The following FASN variants were observed in gnomAD, a reference collection of about 807,000 sequenced individuals.
FASN encodes the protein 3-hydroxyacyl-[acyl-carrier-protein] dehydratase.
Under a neutral mutation model 250.0 loss-of-function variants are expected in FASN, and 50 were observed. The ratio of observed to expected loss-of-function variants is 0.20; its 90% confidence interval spans 0.16 to 0.25. The LOEUF (loss-of-function observed/expected upper bound fraction) is 0.25. Among genes scored for constraint, FASN ranks in the 10% least tolerant of loss-of-function variants. The probability of loss-of-function intolerance (pLI) is 1.00; values close to 1 mark genes in which losing one functional copy is unlikely to be tolerated. For missense variants in FASN, 3,031 were observed against 3,498.5 expected (o/e 0.87, Z 3.37); for synonymous variants, 1,909 against 1,584.0 (o/e 1.21, Z -4.87).
Position 82,089,177 on chromosome 17 carries a change from A to G in FASN, c.2101-5T>C, listed in dbSNP as rs2034158614. ...TGGCTTCGGCTCCCGGATCACCTGCATGAGGGGCCAGGTCAGTGCTGGGTT... is the reference window on the plus strand; with the variant it reads ...TGGCTTCGGCTCCCGGATCACCTGCGTGAGGGGCCAGGTCAGTGCTGGGTT... On this transcript the variant is annotated splice_region_variant and splice_polypyrimidine_tract_variant and intron_variant, in intron 13 of 42. Coordinates refer to ENST00000306749, the MANE Select transcript of FASN (RefSeq NM_004104.5). 1 of 1,587,156 alleles carries G rather than the reference A, an allele frequency of 6.3e-7. No individual in the cohort carries two copies. Among genetic ancestry groups the G allele is most frequent in the Non-Finnish European group, 8.6e-7 (1 of 1,167,162 alleles).
At position 82,092,468 on chromosome 17, in the gene FASN, G is replaced by A; in HGVS notation, c.1016C>T (p.Ala339Val). ...MGHPEPASGL[A>V]ALAKVLLSLE... The stretch of plus-strand genomic sequence containing the variant: ...AGCCCCACCTACCTTGGCCAGGGCT[G>A]CCAGCCCCGAGGCTGGCTCCGGGTG... Residue 339 changes from alanine (A) to valine (V), a missense_variant, in exon 8 of 43, where the codon GCA (alanine) becomes GTA (valine). Transcript: ENST00000306749. The A allele has an allele frequency of 1.3e-6, 2 of 1,577,696 alleles. No homozygotes were observed. Among genetic ancestry groups the A allele is most frequent in the South Asian group, 1.1e-5 (1 of 87,100 alleles).
chr17:82,084,063 C>T lies in FASN; in HGVS notation c.5010G>A (p.Thr1670=), dbSNP rs567409627. 76 of 1,548,884 alleles carry T rather than the reference C, an allele frequency of 4.9e-5. No homozygotes were observed. The Middle Eastern group carries it at 8.4e-4, about 17-fold the overall frequency. Residue 1670 remains threonine (T), a synonymous_variant, in exon 29 of 43, where the codon ACG becomes ACA. Coordinates refer to ENST00000306749, the MANE Select transcript of FASN (RefSeq NM_004104.5). ...VVRGRVRPGE[T]LLIHSGSGGV... Reference sequence around the variant, plus strand: ...CGCCCGAGCCCGAGTGGATGAGCAGCGTCTCCCCGGGGCGCACCCGCCCAC... The same window carrying T: ...CGCCCGAGCCCGAGTGGATGAGCAGTGTCTCCCCGGGGCGCACCCGCCCAC...
At chr17:82,094,199 C>G in intron 3 of FASN, 1 of 310,060 alleles carries the variant, frequency 3.2e-6, no homozygotes, top group East Asian at 8.4e-5. Context: ...TGCACCAGAA[C>G]AGGCCGTGAT....
chr17:82,083,242 T>C lies in FASN; in HGVS notation c.5525A>G (p.Tyr1842Cys), dbSNP rs1351562968. 1.9e-6 allele frequency: 3 copies of C among 1,612,708 alleles called. No individual in the cohort carries two copies. Among genetic ancestry groups the C allele is most frequent in the Admixed American group, 1.7e-5 (1 of 60,016 alleles). The change falls in exon 32 of 43, where the codon TAC becomes TGC. Residue 1842 changes from tyrosine (Y) to cysteine (C), a missense_variant. By Grantham distance (194) the Tyr-to-Cys change is radical. Transcript: ENST00000306749. ...GCCAATGTGCTTCCCTTGGGCCATG[T>C]AGCGGAAGGCGTCCTCCACCTGGGC... ...HGAQVEDAFR[Y>C]MAQGKHIGKV...
At chr17:82,086,711 C>T (rs1415089996) in intron 21 of FASN, among the ~76,000 whole-genome samples, 153 bp from the exon 22 acceptor site, 1 of 152,218 alleles carries the variant, frequency 6.6e-6, no homozygotes, top group Non-Finnish European at 1.5e-5. Context: ...GGCTGCCCAC[C>T]ACTGGGAGGC....
intron 12 of FASN, 100 bp downstream of exon 12, chr17:82,089,532 T>C: frequency 6.5e-7 from 1 of 1,549,010 alleles, no homozygotes; most frequent in Non-Finnish European, 8.8e-7. Flanking sequence ...CCCAGGCCCG[T>C]CAGAGCTTGG....
intron 33 of FASN, 101 bp from the exon 34 acceptor site, chr17:82,082,779 C>A: frequency 6.4e-7 from 1 of 1,553,598 alleles, no homozygotes; most frequent in South Asian, 1.1e-5. Context: ...CCCCATCCAG[C>A]AAGCCCCCCA....
rs775903535 is a variant in FASN, at chr17:82,085,328, C to T, written c.4197G>A (p.Thr1399=). 1.4e-5 allele frequency: 22 copies of T among 1,611,040 alleles called. 1 individual carries two copies. Among genetic ancestry groups the T allele is most frequent in the Middle Eastern group, 3.3e-4 (2 of 6,060 alleles). ...GGGTGGGCCGGCGGCACAGGAAGAGCGTGGAGCCGTAGAAGGACTTCTTCA... is the reference window on the plus strand; with the variant it reads ...GGGTGGGCCGGCGGCACAGGAAGAGTGTGGAGCCGTAGAAGGACTTCTTCA... ...VGLKKSFYGS[T]LFLCRRPTPQ... Residue 1399 remains threonine, a synonymous_variant, in exon 24 of 43, where the codon ACG becomes ACA. Transcript: ENST00000306749.
At chr17:82,082,459 C>T (rs1345899611) in intron 34 of FASN, 45 bp from the exon 35 acceptor site, 5 of 1,611,880 alleles carry the variant, frequency 3.1e-6, no homozygotes, top group Non-Finnish European at 4.2e-6. Context: ...CAGGGCCTCA[C>T]CCGTCCACCC....
Position 82,086,341 on chromosome 17 carries a change from G to T in FASN, c.3645C>A (p.Leu1215=), listed in dbSNP as rs143299307. 1.2e-6 allele frequency: 2 copies of T among 1,607,124 alleles called. No homozygotes were observed. Among genetic ancestry groups the T allele is most frequent in the Admixed American group, 3.3e-5 (2 of 59,812 alleles). Residue 1215 remains leucine, a synonymous_variant, in exon 22 of 43, where the codon CTC becomes CTA. Transcript: ENST00000306749. Reference sequence around the variant, plus strand: ...GTGCCGGGGAGTCCAGGAGGCCGCTGAGCAGAGGGTCCTCTGGCAGCTTGG... The same window carrying T: ...GTGCCGGGGAGTCCAGGAGGCCGCTTAGCAGAGGGTCCTCTGGCAGCTTGG... The part of the protein sequence containing the change: ...ERPKLPEDPL[L]SGLLDSPALK...
intron 3 of FASN, chr17:82,094,007 G>A: frequency 3.3e-6 from 2 of 600,806 alleles, no homozygotes; most frequent in South Asian, 3.9e-5. Flanking sequence ...CAGGAACCAG[G>A]TCACAGAGGG....
Position 82,092,734 on chromosome 17 carries a change from G to T in FASN, c.857C>A (p.Ser286Ter). 1 of 1,603,362 alleles carries T rather than the reference G, an allele frequency of 6.2e-7. No individual in the cohort carries two copies. ...LYQSAGVAPESFEYIEAHGTG... is the reference protein window; with the variant it reads ...LYQSAGVAPE ...GCCGTGGGCTTCGATGTATTCAAAT[G>T]ACTCAGGGGCCACTCCGGCCGACTG... Residue 286 changes from serine to a stop codon, truncating the protein, a stop_gained, in exon 7 of 43, where the codon TCA (serine) becomes TAA (stop). Transcript: ENST00000306749. LOFTEE classifies it high-confidence loss of function.
Position 82,086,234 on chromosome 17 carries a change from G to T in FASN, c.3732+20C>A. Reference sequence around the variant, plus strand: ...CTACCATGTCCGGGGCAGAGGCCTGGCTGCCCAGGAGGCACCCACCTCCAC... The same window carrying T: ...CTACCATGTCCGGGGCAGAGGCCTGTCTGCCCAGGAGGCACCCACCTCCAC... On this transcript the variant is annotated intron_variant, in intron 22 of 42. Coordinates refer to ENST00000306749, the MANE Select transcript of FASN (RefSeq NM_004104.5). The T allele has an allele frequency of 6.5e-7, 1 of 1,546,060 alleles. No homozygotes were observed. Among genetic ancestry groups the T allele is most frequent in the Non-Finnish European group, 8.7e-7 (1 of 1,152,458 alleles).
At position 82,082,611 on chromosome 17, in the gene FASN, G is replaced by A. The variant is rs750332063; in HGVS notation, c.5835C>T (p.Asn1945=). The A allele has an allele frequency of 1.2e-6, 2 of 1,610,846 alleles. No homozygotes were observed. Among genetic ancestry groups the A allele is most frequent in the South Asian group, 1.1e-5 (1 of 91,084 alleles). Residue 1945 remains asparagine, a synonymous_variant, in exon 34 of 43, where the codon AAC becomes AAT. Coordinates refer to ENST00000306749, the MANE Select transcript of FASN (RefSeq NM_004104.5). ...CCCGGGCCCCCTCCAGTGAGCTGAT[G>A]TTGCTGGTGGACACCTGCACCTGTA... is the stretch of plus-strand genomic sequence containing the variant. ...QGVQVQVSTS[N]ISSLEGARGL...
intron 16 of FASN, 40 bp downstream of exon 16, chr17:82,088,350 G>C: frequency 6.2e-7 from 1 of 1,610,916 alleles, no homozygotes; most frequent in Non-Finnish European, 8.5e-7. Flanking sequence ...GGCGTCTGTG[G>C]GGAGGGAAGA....
At position 82,081,423 on chromosome 17, in the gene FASN, A is replaced by G; in HGVS notation, c.6407-71T>C. 3 of 1,563,220 alleles carry G rather than the reference A, an allele frequency of 1.9e-6. No individual in the cohort carries two copies. The South Asian group carries it at 3.4e-5, about 18-fold the overall frequency. ...ACGGCCTGTATGCGGCAGGGCTGAC[A>G]CCCAGGGGTGCGTGGGCTGTGCATC... On this transcript the variant is annotated intron_variant, in intron 37 of 42. Coordinates refer to ENST00000306749, the MANE Select transcript of FASN (RefSeq NM_004104.5).
intron 2 of FASN, 69 bp downstream of exon 2, chr17:82,096,250 G>A (rs986856119): frequency 1.9e-6 from 3 of 1,592,972 alleles, no homozygotes; most frequent in South Asian, 1.1e-5. Flanking sequence ...CAGCAGGGAG[G>A]CTGCTGTGAG....
intron 1 of FASN, chr17:82,096,703 T>C (rs1032254109): frequency 5.5e-6 from 3 of 545,344 alleles, no homozygotes; most frequent in Non-Finnish European, 1.0e-5. Context: ...TTCAGGGTAT[T>C]GGCTGGGGTA....
Position 82,084,045 on chromosome 17 carries a change from G to C in FASN, c.5028C>G (p.Gly1676=), listed in dbSNP as rs530589075. The C allele has an allele frequency of 1.5e-5, 23 of 1,544,096 alleles. No homozygotes were observed. The highest frequency in any genetic ancestry group is 1.7e-5 in the Non-Finnish European group (20 of 1,146,530). Residue 1676 remains glycine (G), a synonymous_variant, in exon 29 of 43, where the codon GGC becomes GGG. Transcript: ENST00000306749. The part of the protein sequence containing the change: ...RPGETLLIHS[G]SGGVGQAAIA... ...TGGCGGCCTGGCCCACGCCGCCCGA[G>C]CCCGAGTGGATGAGCAGCGTCTCCC...
Sources: allele counts gnomAD v4.1 joint callset (sites outside exome capture counted in the v4.1 genomes callset), GRCh38; gene constraint gnomAD v4.1.1; transcripts MANE v1.5; gene names NCBI Gene and HGNC (gene_info 2026-07-23, HGNC 2026-07-21).